The following ARFGEF1 variants were observed in gnomAD, a reference collection of about 807,000 sequenced individuals.
ARFGEF1 encodes brefeldin A-inhibited guanine nucleotide-exchange protein 1.
A neutral mutation model predicts 231.0 loss-of-function variants in ARFGEF1; 42 were observed. That is an observed-to-expected ratio of 0.18 (90% confidence interval 0.14 to 0.24). The LOEUF is 0.24. Ranked by LOEUF, ARFGEF1 falls within the 10% of genes least tolerant of loss-of-function variation. The pLI, the probability that ARFGEF1 is intolerant of heterozygous loss-of-function variation, is 1.00. For synonymous variants in ARFGEF1, 710 were observed against 732.3 expected, an observed-to-expected ratio of 0.97 and a Z score of 0.49; for missense variants, 1,345 against 2,192.0, an observed-to-expected ratio of 0.61 and a Z score of 7.72.
At chr8:67,302,906 T>TA (rs139020447) in intron 1 of ARFGEF1, among the ~76,000 whole-genome samples, 12,386 of 101,832 alleles carry the variant, frequency 0.12, 979 homozygotes, top group East Asian at 0.24. Flanking sequence ...CCCCATCTCT[T>TA]AAAAAAAAAA....
intron 6 of ARFGEF1, among the ~76,000 whole-genome samples, chr8:67,288,958 A>C (rs1805878877): frequency 6.6e-6 from 1 of 151,784 alleles, no homozygotes; most frequent in African/African-American, 2.4e-5. Flanking sequence ...AACAAAAAAA[A>C]CAAAAAAAAA....
intron 5 of ARFGEF1, among the ~76,000 whole-genome samples, chr8:67,184,727 A>C (rs546470786): frequency 6.8e-6 from 1 of 148,080 alleles, no homozygotes; most frequent in African/African-American, 2.5e-5. Flanking sequence ...CTGTCTAAAA[A>C]AATAATAATA....
chr8:67,271,043 AGGAAAAAG>A (rs1563878453), intron 10 of ARFGEF1, among the ~76,000 whole-genome samples: 26 of 113,228 alleles, frequency 2.3e-4, no homozygotes, highest in Non-Finnish European at 3.9e-4. Context: ...AAAAAAAAAA[AGGAAAAAG>A]AAAAAAAAAA....
intron 1 of ARFGEF1, among the ~76,000 whole-genome samples, chr8:67,331,878 T>G (rs910136891): frequency 6.6e-6 from 1 of 152,236 alleles, no homozygotes; most frequent in East Asian, 1.9e-4. Flanking sequence ...TATGGCAACC[T>G]TGCCTTAAGG....
chr8:67,222,164 C>CATATAT (rs1333771303), intron 29 of ARFGEF1, among the ~76,000 whole-genome samples: 2 of 119,150 alleles, frequency 1.7e-5, no homozygotes, highest in African/African-American at 7.5e-5. Context: ...CTTTTCCATG[C>CATATAT]ATATATATAT....
At position 67,266,127 on chromosome 8, in the gene ARFGEF1, G is replaced by A. The variant is rs1398626186; in HGVS notation, c.2002C>T (p.Leu668=). The A allele has an allele frequency of 2.5e-6, 4 of 1,613,752 alleles. No homozygotes were observed. The highest frequency in any genetic ancestry group is 1.7e-6 in the Non-Finnish European group (2 of 1,179,830). ...TINRYGSLNS[L]ESTSSSGIGS... is the part of the protein sequence containing the mutation. The stretch of plus-strand genomic sequence containing the variant: ...ATTCCTGATGATGATGTTGACTCCA[G>A]GGAATTTAAACTTCCGTATCTGTTT... The change falls in exon 14 of 39, where the codon CTG becomes TTG. Residue 668 remains leucine (L), a synonymous_variant. Transcript: ENST00000262215.
intron 1 of ARFGEF1, among the ~76,000 whole-genome samples, chr8:67,311,922 T>A (rs1285849110): frequency 6.6e-6 from 1 of 152,200 alleles, no homozygotes; most frequent in African/African-American, 2.4e-5. Flanking sequence ...GGGATCCTGT[T>A]GATCTGTGAC....
At chr8:67,222,657 T>C (rs1278048159) in intron 29 of ARFGEF1, among the ~76,000 whole-genome samples, 2 of 152,048 alleles carry the variant, frequency 1.3e-5, no homozygotes, top group Non-Finnish European at 2.9e-5. Flanking sequence ...CACCACGTTG[T>C]CCAGGATGGT....
At chr8:67,311,327 A>T (rs9693650) in intron 1 of ARFGEF1, among the ~76,000 whole-genome samples, 2 of 99,926 alleles carry the variant, frequency 2.0e-5, no homozygotes, top group African/African-American at 8.2e-5. Flanking sequence ...TGCCCCATCC[A>T]GGAGGTGAGG....
chr8:67,188,940 G>A (rs1050611606), intron 5 of ARFGEF1, among the ~76,000 whole-genome samples: 2 of 152,078 alleles, frequency 1.3e-5, no homozygotes, highest in African/African-American at 4.8e-5. Context: ...TGGAATCTGT[G>A]AGGCCAAGAA....
chr8:67,197,309 G>T (rs1179362206), downstream of ARFGEF1, among the ~76,000 whole-genome samples: 3 of 151,904 alleles, frequency 2.0e-5, no homozygotes, highest in Admixed American at 6.6e-5. Flanking sequence ...TTTTAATTAG[G>T]CAAGTGTAGT....
At chr8:67,318,531 C>T (rs901004629) in intron 1 of ARFGEF1, among the ~76,000 whole-genome samples, 3 of 152,070 alleles carry the variant, frequency 2.0e-5, no homozygotes, top group African/African-American at 4.8e-5. Context: ...TCACAGATTA[C>T]ATGATTATTT....
intron 29 of ARFGEF1, among the ~76,000 whole-genome samples, chr8:67,222,215 ATATATATATG>A (rs1839208361): frequency 7.9e-6 from 1 of 126,046 alleles, no homozygotes; most frequent in Non-Finnish European, 1.6e-5. Flanking sequence ...ACACACACAT[ATATATATATG>A]TATATGTATG....
At chr8:67,204,549 T>A in intron 35 of ARFGEF1, 131 bp downstream of exon 35, 1 of 1,121,460 alleles carries the variant, frequency 8.9e-7, no homozygotes. Context: ...GGATCCAGTC[T>A]CATGGTTTAA....
chr8:67,193,699 A>G, downstream of ARFGEF1: 1 of 1,113,726 alleles, frequency 9.0e-7, no homozygotes, highest in Non-Finnish European at 1.3e-6. Flanking sequence ...GATAGATGGA[A>G]TGAGTTTGAA....
At chr8:67,285,265 C>G (rs1435648421) in intron 7 of ARFGEF1, among the ~76,000 whole-genome samples, 1 of 151,922 alleles carries the variant, frequency 6.6e-6, no homozygotes, top group Non-Finnish European at 1.5e-5. Flanking sequence ...CATCTGTAAT[C>G]CCAGCAATTA....
intron 27 of ARFGEF1, 26 bp downstream of exon 27, chr8:67,227,110 CT>C: frequency 6.5e-7 from 1 of 1,541,840 alleles, no homozygotes. Context: ...TTTCCTTTTA[CT>C]TGAACACAGC....
intron 5 of ARFGEF1, among the ~76,000 whole-genome samples, chr8:67,295,818 G>C (rs1420543167): frequency 6.6e-6 from 1 of 152,174 alleles, no homozygotes; most frequent in Non-Finnish European, 1.5e-5. Context: ...ACTGCATTAA[G>C]GGAACCAGGG....
rs1421830495 is a variant in ARFGEF1, at chr8:67,266,185, T to C, written c.1944A>G (p.Gln648=). ...TTLGQEKPSE[Q]EMSEIKHPET... is the part of the protein sequence containing the mutation. Reference sequence around the variant, plus strand: ...CAGGGTGTTTGATTTCACTCATCTCTTGCTCTGAGGGTTTTTCCTGACCTG... The same window carrying C: ...CAGGGTGTTTGATTTCACTCATCTCCTGCTCTGAGGGTTTTTCCTGACCTG... The change falls in exon 14 of 39, where the codon CAA becomes CAG. Residue 648 remains glutamine, a synonymous_variant. Coordinates refer to ENST00000262215, the MANE Select transcript of ARFGEF1 (RefSeq NM_006421.5). The C allele has an allele frequency of 1.9e-6, 3 of 1,613,522 alleles. No homozygotes were observed. The highest frequency in any genetic ancestry group is 2.7e-5 in the African/African-American group (2 of 74,886).
Sources: gnomAD v4.1 joint callset for allele counts (sites outside exome capture counted in the v4.1 genomes callset) on GRCh38, gnomAD v4.1.1 for gene constraint, MANE v1.5 for transcripts, NCBI Gene and HGNC (gene_info 2026-07-23, HGNC 2026-07-21) for gene names.